The following ACACB variants were observed in gnomAD, a reference collection of about 807,000 sequenced individuals.
The protein encoded by ACACB is acetyl-CoA carboxylase beta, also known as acetyl-CoA carboxylase 2.
A neutral mutation model predicts 278.8 loss-of-function variants in ACACB; 209 were observed. That is an observed-to-expected ratio of 0.75 (90% CI 0.67 to 0.84). The LOEUF (loss-of-function observed/expected upper bound fraction) is 0.84, where lower values mean the gene tolerates loss of function less well. Among genes scored for constraint, ACACB ranks in the 40% least tolerant of loss-of-function variants. ACACB has a pLI of 0.00. For missense variants in ACACB, 2,850 were observed against 3,269.0 expected, an observed-to-expected ratio of 0.87 and a Z score of 3.13; for synonymous variants, 1,174 against 1,285.6, an observed-to-expected ratio of 0.91 and a Z score of 1.86.
At chr12:109,212,753 T>G (rs1408671951) in intron 21 of ACACB, 83 bp from the exon 22 acceptor site, 1 of 1,167,196 alleles carries the variant, frequency 8.6e-7, no homozygotes, top group Non-Finnish European at 1.3e-6. Context: ...GTTTGGGTAC[T>G]GGTTTGGGGA....
rs139653440 is a variant in ACACB at position 109,245,791 on chromosome 12, C to T, written c.5301+43C>T. 2.0e-4 allele frequency: 319 copies of T among 1,602,626 alleles called. No individual in the cohort carries two copies. The African/African-American group carries it at 3.9e-3, about 19-fold the overall frequency. On this transcript the variant is annotated intron_variant, in intron 38 of 52. Coordinates refer to ENST00000338432, the MANE Select transcript of ACACB (RefSeq NM_001093.4). The stretch of plus-strand genomic sequence containing the variant: ...CCTAACCCCTGGCTGGAGTCACCCC[C>T]TTAAAAATATTTTTGGGCCAGGTGC...
chr12:109,172,229 A>C (rs763008781), intron 5 of ACACB, 46 bp from the exon 6 acceptor site: 54 of 1,585,486 alleles, frequency 3.4e-5, no homozygotes, highest in Non-Finnish European at 1.7e-6. Flanking sequence ...GCTGGGAGGC[A>C]TATTCTTGAA....
chr12:109,183,512 T>TTA (rs1197694922), intron 11 of ACACB, among the ~76,000 whole-genome samples: 3 of 152,228 alleles, frequency 2.0e-5, no homozygotes, highest in Non-Finnish European at 4.4e-5. Context: ...TTGGTTAAGT[T>TTA]TATTCCAGGG....
chr12:109,178,856 TCCCCACCTGGGGCCGTC>T (rs540688948), intron 9 of ACACB, among the ~76,000 whole-genome samples: 7 of 152,220 alleles, frequency 4.6e-5, no homozygotes, highest in African/African-American at 1.2e-4. Context: ...TCATTGTTCT[TCCCCACCTGGGGCCGTC>T]CCCCACCTGG....
rs542111056 is a variant in ACACB at position 109,191,859 on chromosome 12, G to A, written c.2308G>A (p.Asp770Asn). 6.2e-7 allele frequency: 1 copy of A among 1,614,202 alleles called. No individual in the cohort carries two copies. The highest frequency in any genetic ancestry group is 8.5e-7 in the Non-Finnish European group (1 of 1,180,038). The change falls in exon 15 of 53, where the codon GAT becomes AAT. Residue 770 changes from aspartate to asparagine, a missense_variant. By Grantham distance (23) the Asp-to-Asn change is conservative. Coordinates refer to ENST00000338432, the MANE Select transcript of ACACB (RefSeq NM_001093.4). ...IAEKVQAEKP[D>N]IMLGVVCGAL... ...CATTTTCTCCTAGGCGGAGAAACCG[G>A]ATATCATGCTTGGGGTGGTATGCGG...
Position 109,265,390 on chromosome 12 carries a change from C to T in ACACB, c.7115C>T (p.Ala2372Val), listed in dbSNP as rs143664715. The change falls in exon 52 of 53, where the codon GCC becomes GTC. Residue 2372 changes from alanine to valine, a missense_variant and splice_region_variant. Ala to Val is a moderately conservative substitution (Grantham distance 64). Coordinates refer to ENST00000338432, the MANE Select transcript of ACACB (RefSeq NM_001093.4). ...WFVETEGAVK[A>V]YLWDNNQVVV... Reference sequence around the variant, plus strand: ...AGGCATCCTCTGCCCCCTCCCCAGGCCTACTTGTGGGACAACAACCAGGTG... The same window carrying T: ...AGGCATCCTCTGCCCCCTCCCCAGGTCTACTTGTGGGACAACAACCAGGTG... 1 of 1,613,802 alleles carries T rather than the reference C, an allele frequency of 6.2e-7. No homozygotes were observed. Among genetic ancestry groups the T allele is most frequent in the Non-Finnish European group, 8.5e-7 (1 of 1,179,936 alleles).
At chr12:109,218,592 T>C (rs1167399714) in intron 24 of ACACB, among the ~76,000 whole-genome samples, 1 of 151,598 alleles carries the variant, frequency 6.6e-6, no homozygotes, top group African/African-American at 2.4e-5. Flanking sequence ...ACTTGGAAAA[T>C]GTAGGATCAG....
chr12:109,233,033 T>C (rs906767087), intron 29 of ACACB, among the ~76,000 whole-genome samples: 2 of 152,186 alleles, frequency 1.3e-5, no homozygotes, highest in Non-Finnish European at 2.9e-5. Flanking sequence ...AAGAGCATCG[T>C]AGCCAAGAGT....
At chr12:109,221,694 T>G (rs112087497) in intron 24 of ACACB, among the ~76,000 whole-genome samples, 3,186 of 152,272 alleles carry the variant, frequency 0.021, 55 homozygotes, top group Middle Eastern at 0.044. Flanking sequence ...GGCTCTGTCT[T>G]GCACATGTTT....
Position 109,201,586 on chromosome 12 carries a change from C to A in ACACB, c.2798C>A (p.Thr933Asn), listed in dbSNP as rs370837345. ...AAATAGGTGATGAAGATGATCATGACCCTGAACGTTCAGGAAAGAGGCCGG... is the reference window on the plus strand; with the variant it reads ...AAATAGGTGATGAAGATGATCATGAACCTGAACGTTCAGGAAAGAGGCCGG... ...AEMEVMKMIM[T>N]LNVQERGRVK... The change falls in exon 19 of 53, where the codon ACC becomes AAC. Residue 933 changes from threonine (T) to asparagine (N), a missense_variant. Physicochemically the swap from Thr to Asn is moderately conservative, Grantham distance 65. This residue lies in a region of ACACB where 2,265 missense variants were observed against 2,561.3 expected (regional missense o/e 0.88). Transcript: ENST00000338432. 2.2e-4 allele frequency: 356 copies of A among 1,614,034 alleles called. No homozygotes were observed. Among genetic ancestry groups the A allele is most frequent in the Non-Finnish European group, 2.8e-4 (335 of 1,180,034 alleles).
upstream of ACACB, among the ~76,000 whole-genome samples, chr12:109,116,242 C>T (rs113547361): frequency 3.9e-5 from 6 of 152,290 alleles, no homozygotes; most frequent in South Asian, 2.1e-4. Flanking sequence ...TTCCCATTCA[C>T]GGTTTTCAAT....
chr12:109,219,463 A>AG (rs755616415), intron 24 of ACACB, among the ~76,000 whole-genome samples: 24 of 152,186 alleles, frequency 1.6e-4, no homozygotes, highest in Non-Finnish European at 3.1e-4. Context: ...CAGAGTTTCT[A>AG]GGGGTAGGGC....
chr12:109,117,889 G>A (rs1011996185), intron 1 of ACACB, among the ~76,000 whole-genome samples: 2 of 152,140 alleles, frequency 1.3e-5, no homozygotes, highest in African/African-American at 4.8e-5. Context: ...TGGGACTACA[G>A]GCACCCACTA....
intron 25 of ACACB, 78 bp downstream of exon 25, chr12:109,222,698 C>T (rs972954840): frequency 3.3e-6 from 5 of 1,518,340 alleles, no homozygotes; most frequent in Non-Finnish European, 4.6e-6. Flanking sequence ...GCTCAGCCCT[C>T]ACCATGCACA....
At chr12:109,154,217 C>T (rs896831995) in intron 2 of ACACB, among the ~76,000 whole-genome samples, 1 of 152,200 alleles carries the variant, frequency 6.6e-6, no homozygotes, top group Admixed American at 6.5e-5. Flanking sequence ...AGTAGCGGAC[C>T]CAGGTGGTGC....
chr12:109,256,756 A>G (rs2047235297), intron 45 of ACACB, among the ~76,000 whole-genome samples: 1 of 152,166 alleles, frequency 6.6e-6, no homozygotes, highest in Non-Finnish European at 1.5e-5. Flanking sequence ...TCCTGGTACG[A>G]TGTCGCAGCT....
Position 109,197,077 on chromosome 12 carries a change from C to T in ACACB, c.2551C>T (p.Arg851Trp), listed in dbSNP as rs367885804. The change falls in exon 17 of 53, where the codon CGG becomes TGG. Residue 851 changes from arginine (R) to tryptophan (W), a missense_variant. Around this residue, in one of 3 missense-constraint regions of ACACB, gnomAD observed 2,265 missense variants for 2,561.3 expected, o/e 0.88. Coordinates refer to ENST00000338432, the MANE Select transcript of ACACB (RefSeq NM_001093.4). ...NGCHIEIDAH[R>W]LNDGGLLLSY... ...CTGCCACATCGAGATTGATGCCCAC[C>T]GGCTGAATGATGGGGGGCTCCTGCT... 3.3e-5 allele frequency: 52 copies of T among 1,595,622 alleles called. No homozygotes were observed. The highest frequency in any genetic ancestry group is 3.7e-5 in the Non-Finnish European group (43 of 1,173,032).
intron 2 of ACACB, among the ~76,000 whole-genome samples, chr12:109,145,600 G>A (rs1427510028): frequency 1.3e-5 from 2 of 152,124 alleles, no homozygotes; most frequent in Non-Finnish European, 2.9e-5. Context: ...CCAGTTGCCT[G>A]TAACCAGCTG....
chr12:109,172,224 G>C (rs1250132967), intron 5 of ACACB, 51 bp from the exon 6 acceptor site: 1 of 1,565,068 alleles, frequency 6.4e-7, no homozygotes, highest in South Asian at 1.1e-5. Context: ...ACCTGGCTGG[G>C]AGGCATATTC....
Sources: gnomAD v4.1 joint callset for allele counts (sites outside exome capture counted in the v4.1 genomes callset) on GRCh38, gnomAD v4.1.1 for gene constraint, gnomAD v4.1.1 regional missense constraint, MANE v1.5 for transcripts, NCBI Gene and HGNC (gene_info 2026-07-23, HGNC 2026-07-21) for gene names.